Variants in PPP1R16B observed in about 807,000 individuals in gnomAD.
PPP1R16B encodes the protein protein phosphatase 1 regulatory inhibitor subunit 16B.
A neutral mutation model predicts 61.7 loss-of-function variants in PPP1R16B; 14 were observed. The ratio of observed to expected loss-of-function variants is 0.23; its 90% CI spans 0.15 to 0.35. The LOEUF (loss-of-function observed/expected upper bound fraction) is 0.35. Ranked by LOEUF, PPP1R16B falls within the 10% of genes least tolerant of loss-of-function variation. The pLI, the probability that PPP1R16B is intolerant of heterozygous loss-of-function variation, is 1.00. For synonymous variants in PPP1R16B, 266 were observed against 305.3 expected (o/e 0.87, Z 1.34); for missense variants, 547 against 752.5 (o/e 0.73, Z 3.19).
In PPP1R16B at chr20:38,836,257, C is replaced by T. The variant is rs2084871686; in HGVS notation, c.250+82C>T. 2.0e-6 allele frequency: 3 copies of T among 1,528,740 alleles called. No individual in the cohort carries two copies. The African/African-American group carries it at 4.1e-5, about 21-fold the overall frequency. The allele number at this position is 1,528,740 out of a possible 1,614,324, so 94.7% of individuals were successfully genotyped here. ...TGGAATCCAGGTTCTGTGCAGTAGA[C>T]GTGTGGGCAAGGCAGGTCTGCAGAC... On this transcript the variant is annotated intron_variant, in intron 2 of 10. Transcript: ENST00000299824.
In PPP1R16B at chr20:38,821,035, C is replaced by T. The variant is rs544688312; in HGVS notation, c.-101-14790C>T. Among the ~76,000 whole-genome samples the T allele has an allele frequency of 3.4e-4, 33 of 96,512 alleles. 1 individual carries two copies. The East Asian group carries it at 8.6e-3, about 25-fold the overall frequency. The allele number at this position is 96,512 out of a possible 152,430, so 63.3% of individuals were successfully genotyped here. A position where few individuals can be genotyped will look rare whatever the true frequency, so the allele number is the denominator to read the frequency against. ...CAGCCTGGGTGACAGAGCAAGACTCCGTCTCAAAAAAAAAAAAAAAAAAAT... is the reference window on the plus strand; with the variant it reads ...CAGCCTGGGTGACAGAGCAAGACTCTGTCTCAAAAAAAAAAAAAAAAAAAT... On this transcript the variant is annotated intron_variant, in intron 1 of 10. Coordinates refer to ENST00000299824, the MANE Select transcript of PPP1R16B (RefSeq NM_015568.4).
At chr20:38,837,511 C>T (rs189741404) in intron 2 of PPP1R16B, among the ~76,000 whole-genome samples, 1 of 150,628 alleles carries the variant, frequency 6.6e-6, no homozygotes, top group East Asian at 1.9e-4. Flanking sequence ...CACATTCATA[C>T]AATCTATGTT....
chr20:38,809,561 G>C (rs2145700519), intron 1 of PPP1R16B, among the ~76,000 whole-genome samples: 1 of 152,244 alleles, frequency 6.6e-6, no homozygotes, highest in South Asian at 2.1e-4. Flanking sequence ...GGCTGACCCA[G>C]GTCTGAATCT....
chr20:38,855,559 G>A (rs1269564070), intron 2 of PPP1R16B, among the ~76,000 whole-genome samples: 1 of 151,998 alleles, frequency 6.6e-6, no homozygotes, highest in Non-Finnish European at 1.5e-5. Flanking sequence ...TGGCAAGCTT[G>A]GGATGAGATT....
At chr20:38,816,627 T>C in intron 1 of PPP1R16B, among the ~76,000 whole-genome samples, 1 of 152,198 alleles carries the variant, frequency 6.6e-6, no homozygotes, top group East Asian at 1.9e-4. Flanking sequence ...CTGTCCTAGA[T>C]AGCTCTTCAT....
chr20:38,813,767 C>CATTATT (rs371284370), intron 1 of PPP1R16B, among the ~76,000 whole-genome samples: 2,496 of 132,028 alleles, frequency 0.019, 31 homozygotes, highest in Admixed American at 0.026. Context: ...TCATCATCAT[C>CATTATT]ATTATTATTA....
At chr20:38,849,312 C>T (rs1331183231) in intron 2 of PPP1R16B, among the ~76,000 whole-genome samples, 2 of 152,132 alleles carry the variant, frequency 1.3e-5, no homozygotes, top group African/African-American at 2.4e-5. Flanking sequence ...CTGATCATTC[C>T]AGTGTTTCAG....
chr20:38,891,978 G>A (rs1316746849), intron 3 of PPP1R16B, among the ~76,000 whole-genome samples: 1 of 151,318 alleles, frequency 6.6e-6, no homozygotes, highest in East Asian at 1.9e-4. Flanking sequence ...ATGTGACTGA[G>A]GAAATGGATT....
chr20:38,844,096 T>G (rs1191972606), intron 2 of PPP1R16B, among the ~76,000 whole-genome samples: 3 of 152,250 alleles, frequency 2.0e-5, no homozygotes, highest in South Asian at 4.1e-4. Flanking sequence ...GCATTTTGAA[T>G]GGTTCTTTTA....
intron 2 of PPP1R16B, among the ~76,000 whole-genome samples, chr20:38,837,603 C>T (rs1458932350): frequency 6.7e-6 from 1 of 148,506 alleles, no homozygotes; most frequent in Non-Finnish European, 1.5e-5. Context: ...CAGAGTGCAG[C>T]GGTGTAATCT....
In PPP1R16B at chr20:38,918,260, G is replaced by C; in HGVS notation, c.1298G>C (p.Ser433Thr). 6.2e-7 allele frequency: 1 copy of C among 1,614,236 alleles called. No homozygotes were observed. Among genetic ancestry groups the C allele is most frequent in the Non-Finnish European group, 8.5e-7 (1 of 1,180,038 alleles). Residue 433 changes from serine (S) to threonine (T), a missense_variant, in exon 11 of 11, where the codon AGT becomes ACT. Ser to Thr is a moderately conservative substitution (Grantham distance 58). Transcript: ENST00000299824. The surrounding 1 kb of genome is among the most constrained non-coding windows in gnomAD (Gnocchi z 5.3). Reference protein sequence around the residue: ...PVENGLRAPVSAYQYALANGD... With the variant: ...PVENGLRAPVTAYQYALANGD... ...GAGAATGGCCTCCGGGCTCCGGTCA[G>C]TGCCTACCAGTATGCGCTGGCCAAC...
intron 1 of PPP1R16B, among the ~76,000 whole-genome samples, chr20:38,828,349 TGCCTCAGC>T (rs2084816585): frequency 6.6e-6 from 1 of 152,188 alleles, no homozygotes. Flanking sequence ...TTTGGTAATA[TGCCTCAGC>T]AAGAGGCCAT....
chr20:38,873,033 C>T, intron 2 of PPP1R16B: 1 of 152,420 alleles, frequency 6.6e-6, no homozygotes, highest in Non-Finnish European at 1.5e-5. Context: ...ACAGGGGTTT[C>T]CACCTCCGTC....
At chr20:38,829,744 G>T (rs1294513291) in intron 1 of PPP1R16B, among the ~76,000 whole-genome samples, 2 of 152,232 alleles carry the variant, frequency 1.3e-5, no homozygotes, top group Admixed American at 1.3e-4. Context: ...GGGCCACCCC[G>T]CTGCTGTGTT....
At chr20:38,876,625 C>T (rs1484010608) in intron 2 of PPP1R16B, among the ~76,000 whole-genome samples, 7 of 152,032 alleles carry the variant, frequency 4.6e-5, no homozygotes, top group African/African-American at 1.7e-4. Flanking sequence ...GTGCCAACCC[C>T]TGCACTCTCC....
At chr20:38,855,886 C>G (rs1368544905) in intron 2 of PPP1R16B, among the ~76,000 whole-genome samples, 1 of 124,182 alleles carries the variant, frequency 8.1e-6, no homozygotes, top group East Asian at 2.4e-4. Flanking sequence ...GCTGCTTGGT[C>G]CAGGAAGAGA....
At chr20:38,835,743 A>C in intron 1 of PPP1R16B, 82 bp from the exon 2 acceptor site, 2 of 716,390 alleles carry the variant, frequency 2.8e-6, no homozygotes, top group Non-Finnish European at 4.4e-6. Context: ...AAGCGTTTCG[A>C]ACACGGGGCG....
intron 7 of PPP1R16B, 118 bp downstream of exon 7, chr20:38,906,212 G>C: frequency 1.0e-6 from 1 of 968,428 alleles, no homozygotes; most frequent in Non-Finnish European, 1.4e-6. Flanking sequence ...TTAAGGTGTT[G>C]AATATAGCTC....
intron 1 of PPP1R16B, among the ~76,000 whole-genome samples, chr20:38,815,037 CA>C (rs1425846795): frequency 6.6e-6 from 1 of 152,052 alleles, no homozygotes; most frequent in African/African-American, 2.4e-5. Context: ...AAATGTCATT[CA>C]TTTTTTTTCT....
Sources: gnomAD v4.1 joint callset for allele counts (sites outside exome capture counted in the v4.1 genomes callset) on GRCh38, gnomAD v4.1.1 for gene constraint, Gnocchi (gnomAD v3.1) non-coding constraint, MANE v1.5 for transcripts, NCBI Gene and HGNC (gene_info 2026-07-23, HGNC 2026-07-21) for gene names.